SRSF12: variants seen among roughly 807,000 people sequenced by gnomAD.
The protein encoded by SRSF12 is serine and arginine rich splicing factor 12.
Under a neutral mutation model 34.1 loss-of-function variants are expected in SRSF12, and 21 were observed. The observed-to-expected ratio is 0.62, with a 90% CI of 0.44 to 0.89. SRSF12 has a LOEUF of 0.89. Among genes scored for constraint, SRSF12 ranks in the 40% least tolerant of loss-of-function variants. The pLI is 0.00. For missense variants in SRSF12, 278 were observed against 327.8 expected (o/e 0.85, Z 1.17); for synonymous variants, 111 against 110.8 (o/e 1.00, Z -0.01).
At chr6:89,108,283 G>A (rs989271261) in intron 1 of SRSF12, among the ~76,000 whole-genome samples, 1 of 152,186 alleles carries the variant, frequency 6.6e-6, no homozygotes, top group Non-Finnish European at 1.5e-5. Flanking sequence ...TTATATGTTA[G>A]CCAGTGTTCA....
chr6:89,117,278 T>C (rs898253142), intron 1 of SRSF12, among the ~76,000 whole-genome samples: 5 of 152,094 alleles, frequency 3.3e-5, no homozygotes, highest in African/African-American at 7.2e-5. Flanking sequence ...CAGAATAAAA[T>C]TGTGTGAATA....
intron 1 of SRSF12, among the ~76,000 whole-genome samples, chr6:89,110,517 G>C (rs997750698): frequency 6.6e-6 from 1 of 152,240 alleles, no homozygotes; most frequent in Non-Finnish European, 1.5e-5. Flanking sequence ...CCTGGGACCA[G>C]TCTGATTGGT....
rs1769397286 is a variant in SRSF12, at chr6:89,117,989, G to A, written c.-102C>T. ...CACAGGAGCTCCGCCGGCCCCCGGC[G>A]CGACCCCCACCCCTCGGCCTCAGCC... is the stretch of plus-strand genomic sequence containing the variant. On this transcript the variant is annotated 5_prime_UTR_variant, in exon 1 of 5. Transcript: ENST00000452027. 6.2e-6 allele frequency: 8 copies of A among 1,299,664 alleles called. No homozygotes were observed. The highest frequency in any genetic ancestry group is 7.3e-6 in the Non-Finnish European group (7 of 957,268). The allele number at this position is 1,299,664 out of a possible 1,614,324, so 80.5% of individuals were successfully genotyped here.
chr6:89,104,080 T>C (rs1175098441), intron 4 of SRSF12, among the ~76,000 whole-genome samples: 3 of 134,772 alleles, frequency 2.2e-5, no homozygotes, highest in African/African-American at 8.3e-5. Context: ...CAAGTGATAC[T>C]CCCACCTCAG....
rs1768833299 is a variant in SRSF12, at chr6:89,107,217, A to G, written c.107T>C (p.Ile36Thr). 1.2e-6 allele frequency: 2 copies of G among 1,614,046 alleles called. No individual in the cohort carries two copies. The highest frequency in any genetic ancestry group is 2.2e-5 in the East Asian group (1 of 44,880). The change falls in exon 2 of 5, where the codon ATA becomes ACA. Residue 36 changes from isoleucine to threonine, a missense_variant. By Grantham distance (89) the Ile-to-Thr change is moderately conservative. Transcript: ENST00000452027. ...GTCAAGTGGAATGTAAACGTCTACT[A>G]TAGGGCCATATCGACCAAACTCACG... ...LRREFGRYGP[I>T]VDVYIPLDFY...
rs773489386 is a variant in SRSF12, at chr6:89,098,550, G to A, written c.*28C>T. 21 of 1,567,562 alleles carry A rather than the reference G, an allele frequency of 1.3e-5. No homozygotes were observed. The highest frequency in any genetic ancestry group is 1.7e-4 in the Middle Eastern group (1 of 5,842). ...TGAGAGTTTAATAACTTATATTAAA[G>A]ACGGCGTGGTGCTCTTTCTGTTGCT... On this transcript the variant is annotated 3_prime_UTR_variant, in exon 5 of 5. Transcript: ENST00000452027.
At chr6:89,109,095 T>C (rs944089469) in intron 1 of SRSF12, among the ~76,000 whole-genome samples, 1 of 152,162 alleles carries the variant, frequency 6.6e-6, no homozygotes, top group African/African-American at 2.4e-5. Context: ...AAAACACAAT[T>C]CCTGCTCCCA....
chr6:89,101,272 G>A (rs574865538), intron 4 of SRSF12, among the ~76,000 whole-genome samples: 7 of 152,330 alleles, frequency 4.6e-5, no homozygotes, highest in African/African-American at 1.7e-4. Context: ...GAATAAGGCA[G>A]AAGCAATATT....
In SRSF12 at chr6:89,115,941, G is replaced by C. The variant is rs374824865; in HGVS notation, c.65+1882C>G. ...TGAGCCACCGCACCCGGCCACGAAT[G>C]GGATTTTCATATGATTCAACTTAAT... On this transcript the variant is annotated intron_variant, in intron 1 of 4. Transcript: ENST00000452027. Among the ~76,000 whole-genome samples, 8 of 151,816 alleles carry C rather than the reference G, an allele frequency of 5.3e-5. No individual in the cohort carries two copies. In the East Asian group the frequency reaches 9.7e-4, roughly 18 times the overall value.
intron 4 of SRSF12, among the ~76,000 whole-genome samples, chr6:89,103,410 C>CG (rs2127991588): frequency 6.6e-6 from 1 of 151,876 alleles, no homozygotes; most frequent in East Asian, 1.9e-4. Context: ...CTCACTGCAA[C>CG]CTCTGCCTCC....
intron 1 of SRSF12, 114 bp downstream of exon 1, chr6:89,117,700 TGGGCCCGCG>T: frequency 1.0e-6 from 1 of 993,962 alleles, no homozygotes; most frequent in Non-Finnish European, 1.4e-6. Flanking sequence ...TGGCGCAGCC[TGGGCCCGCG>T]GGGAGGCTCC....
chr6:89,099,934 A>T (rs561591489), intron 4 of SRSF12, among the ~76,000 whole-genome samples: 3 of 152,170 alleles, frequency 2.0e-5, no homozygotes, highest in Non-Finnish European at 1.5e-5. Context: ...GAGGGATTAC[A>T]AGCCTTGGCT....
At chr6:89,111,990 A>C (rs752734618) in intron 1 of SRSF12, among the ~76,000 whole-genome samples, 26 of 152,364 alleles carry the variant, frequency 1.7e-4, no homozygotes, top group Non-Finnish European at 3.4e-4. Flanking sequence ...CACCAGTGAA[A>C]AGAAACATAA....
In SRSF12 at chr6:89,097,221, T is replaced by C. The variant is rs1768310555; in HGVS notation, c.*1357A>G. On this transcript the variant is annotated 3_prime_UTR_variant, in exon 5 of 5. Transcript: ENST00000452027. The stretch of plus-strand genomic sequence containing the variant: ...AAACACTCTGGATACAAATACTAAC[T>C]GTATGGATTGAGAACTTTGAAGTTT... 1.3e-5 allele frequency: 2 copies of C among 152,190 alleles called. No individual in the cohort carries two copies. The highest frequency in any genetic ancestry group is 2.9e-5 in the Non-Finnish European group (2 of 68,034). 9.4% of individuals were successfully genotyped at this position (152,190 alleles called of 1,614,324 possible). A position where few individuals can be genotyped will look rare whatever the true frequency, so the allele number is the denominator to read the frequency against.
Position 89,098,193 on chromosome 6 carries a change from CAT to C in SRSF12, c.*383_*384del, listed in dbSNP as rs1424804469. 2 of 160,444 alleles carry C rather than the reference CAT, an allele frequency of 1.2e-5. No homozygotes were observed. The highest frequency in any genetic ancestry group is 6.2e-5 in the Admixed American group (1 of 16,016). The allele number at this position is 160,444 out of a possible 1,614,324, so 9.9% of individuals were successfully genotyped here. On this transcript the variant is annotated 3_prime_UTR_variant, in exon 5 of 5. Coordinates refer to ENST00000452027, the MANE Select transcript of SRSF12 (RefSeq NM_080743.5). ...AGTCTGCTCTATGCAATTATACAGT[CAT>C]AGTTACTTTTTACATGAAAGTGCTT...
At chr6:89,102,748 A>AATTT (rs10641766) in intron 4 of SRSF12, among the ~76,000 whole-genome samples, 9,782 of 151,798 alleles carry the variant, frequency 0.064, 930 homozygotes, top group African/African-American at 0.21. Flanking sequence ...ACATTTTAAT[A>AATTT]ATTTATTTAT....
intron 4 of SRSF12, among the ~76,000 whole-genome samples, chr6:89,099,970 G>C (rs1327159236): frequency 1.3e-5 from 2 of 152,158 alleles, no homozygotes; most frequent in East Asian, 3.9e-4. Flanking sequence ...TTTTTCAAAT[G>C]ACAGCATGGA....
At position 89,107,239 on chromosome 6, in the gene SRSF12, C is replaced by G. The variant is rs1164141343; in HGVS notation, c.85G>C (p.Glu29Gln). The G allele has an allele frequency of 6.2e-7, 1 of 1,614,018 alleles. No individual in the cohort carries two copies. The highest frequency in any genetic ancestry group is 2.2e-5 in the East Asian group (1 of 44,866). ...DATRPEDLRR[E>Q]FGRYGPIVDV... Reference sequence around the variant, plus strand: ...ACTATAGGGCCATATCGACCAAACTCACGGCGCAAGTCCTCAGGCCTGAAG... The same window carrying G: ...ACTATAGGGCCATATCGACCAAACTGACGGCGCAAGTCCTCAGGCCTGAAG... The change falls in exon 2 of 5, where the codon GAG (glutamate) becomes CAG (glutamine). Residue 29 changes from glutamate (E) to glutamine (Q), a missense_variant. Transcript: ENST00000452027.
Position 89,096,428 on chromosome 6 carries a change from A to G in SRSF12, c.*2150T>C, listed in dbSNP as rs1249590517. The G allele has an allele frequency of 6.6e-6, 1 of 152,210 alleles. No homozygotes were observed. Among genetic ancestry groups the G allele is most frequent in the East Asian group, 1.9e-4 (1 of 5,200 alleles). 9.4% of individuals were successfully genotyped at this position (152,210 alleles called of 1,614,324 possible). A position where few individuals can be genotyped will look rare whatever the true frequency, so the allele number is the denominator to read the frequency against. On this transcript the variant is annotated 3_prime_UTR_variant, in exon 5 of 5. Transcript: ENST00000452027. Reference sequence around the variant, plus strand: ...TAAATACAAGAGTGAATAACTTAAGACATATAGAACAGTGCCAAGCATGTA... The same window carrying G: ...TAAATACAAGAGTGAATAACTTAAGGCATATAGAACAGTGCCAAGCATGTA...
Sources: gnomAD v4.1 joint callset for allele counts (sites outside exome capture counted in the v4.1 genomes callset) on GRCh38, gnomAD v4.1.1 for gene constraint, MANE v1.5 for transcripts, NCBI Gene and HGNC (gene_info 2026-07-23, HGNC 2026-07-21) for gene names.